Variants in RAPGEF4 observed in about 807,000 individuals in gnomAD.
RAPGEF4 encodes the protein RAP guanine-nucleotide-exchange factor (GEF) 4.
Under a neutral mutation model 147.9 loss-of-function variants are expected in RAPGEF4, and 66 were observed. The observed-to-expected ratio is 0.45, with a 90% confidence interval of 0.37 to 0.55. The LOEUF is 0.55. Among genes scored for constraint, RAPGEF4 ranks in the 20% least tolerant of loss-of-function variants. RAPGEF4 has a pLI of 0.00. For missense variants in RAPGEF4, 1,071 were observed against 1,257.3 expected, an observed-to-expected ratio of 0.85 and a Z score of 2.24; for synonymous variants, 419 against 442.7, an observed-to-expected ratio of 0.95 and a Z score of 0.67.
chr2:173,048,490 A>C, intron 29 of RAPGEF4, 110 bp from the exon 30 acceptor site: 1 of 1,514,980 alleles, frequency 6.6e-7, no homozygotes, highest in South Asian at 1.3e-5. Context: ...ATCTCAGAAC[A>C]TGTCACTTCT....
chr2:172,936,518 G>T (rs1224005986), intron 6 of RAPGEF4, among the ~76,000 whole-genome samples: 7 of 151,254 alleles, frequency 4.6e-5, no homozygotes, highest in African/African-American at 1.7e-4. Flanking sequence ...ATTTTTTTAA[G>T]GATTTTTAAA....
At position 172,982,776 on chromosome 2, in the gene RAPGEF4, A is replaced by T. The variant is rs535343544; in HGVS notation, c.1005-720A>T. 2.6e-4 allele frequency among the ~76,000 whole-genome samples: 40 copies of T among 152,332 alleles called. No individual in the cohort carries two copies. In the South Asian group the frequency reaches 7.9e-3, roughly 30 times the overall value. On this transcript the variant is annotated intron_variant, in intron 10 of 30. Coordinates refer to ENST00000397081, the MANE Select transcript of RAPGEF4 (RefSeq NM_007023.4). ...CATGTTATTGGATACTAGTTTTATAATAAATTTTAGAATAAAAATGCTTTA... is the reference window on the plus strand; with the variant it reads ...CATGTTATTGGATACTAGTTTTATATTAAATTTTAGAATAAAAATGCTTTA...
At chr2:173,038,643 G>A (rs559221437) in intron 29 of RAPGEF4, among the ~76,000 whole-genome samples, 20 of 152,132 alleles carry the variant, frequency 1.3e-4, no homozygotes, top group Non-Finnish European at 2.6e-4. Context: ...TGCATGCAGG[G>A]CTTAAAACCT....
At chr2:173,041,928 G>C (rs1193106348) in intron 29 of RAPGEF4, among the ~76,000 whole-genome samples, 1 of 152,158 alleles carries the variant, frequency 6.6e-6, no homozygotes, top group African/African-American at 2.4e-5. Flanking sequence ...ACCCTTGTGG[G>C]AAGGGAAGAA....
intron 4 of RAPGEF4, among the ~76,000 whole-genome samples, chr2:172,870,130 T>C (rs970484369): frequency 3.3e-5 from 5 of 152,336 alleles, no homozygotes; most frequent in Admixed American, 3.3e-4. Flanking sequence ...TGGATACTGC[T>C]GCTTTCACCT....
Position 172,988,781 on chromosome 2 carries a change from GAGA to G in RAPGEF4, c.1320_1322del (p.Glu440del), listed in dbSNP as rs1291025115. 6.2e-7 allele frequency: 1 copy of G among 1,613,290 alleles called. No individual in the cohort carries two copies. The highest frequency in any genetic ancestry group is 1.7e-5 in the Admixed American group (1 of 60,012). ...CCACGAGCTGCCTCTATCGTCTTAC[GAGA>G]AGATAACTGCCATTTCTTAAGAGTA... On this transcript the variant is annotated inframe_deletion, in exon 14 of 31. Coordinates refer to ENST00000397081, the MANE Select transcript of RAPGEF4 (RefSeq NM_007023.4).
intron 1 of RAPGEF4, among the ~76,000 whole-genome samples, chr2:172,743,707 G>A (rs1018409937): frequency 6.6e-6 from 1 of 152,170 alleles, no homozygotes; most frequent in Non-Finnish European, 1.5e-5. Context: ...AAGTCTACAG[G>A]AGGCTTCCAG....
At chr2:172,962,978 C>T (rs985354684) in intron 8 of RAPGEF4, among the ~76,000 whole-genome samples, 1 of 152,090 alleles carries the variant, frequency 6.6e-6, no homozygotes, top group African/African-American at 2.4e-5. Flanking sequence ...CACAGTTCCA[C>T]AGGCTTAACA....
At chr2:172,858,848 T>G (rs1693723197) in intron 4 of RAPGEF4, among the ~76,000 whole-genome samples, 1 of 152,220 alleles carries the variant, frequency 6.6e-6, no homozygotes, top group Non-Finnish European at 1.5e-5. Context: ...ACTGAAATTT[T>G]GAAAAACGCT....
chr2:172,854,137 A>G (rs1044657241), intron 4 of RAPGEF4, among the ~76,000 whole-genome samples: 1 of 152,016 alleles, frequency 6.6e-6, no homozygotes, highest in African/African-American at 2.4e-5. Context: ...TTCAGGTCTT[A>G]TATGTCCCCA....
chr2:172,958,072 A>T (rs2105439922), intron 6 of RAPGEF4, among the ~76,000 whole-genome samples: 1 of 152,318 alleles, frequency 6.6e-6, no homozygotes, highest in African/African-American at 2.4e-5. Flanking sequence ...AACACTTATC[A>T]CCAGTCCAGA....
intron 4 of RAPGEF4, among the ~76,000 whole-genome samples, chr2:172,861,402 A>G (rs868782469): frequency 5.9e-5 from 9 of 152,190 alleles, no homozygotes; most frequent in African/African-American, 1.9e-4. Context: ...CATTGATCCT[A>G]TAGTGTGGTT....
At chr2:172,811,926 A>G (rs974982840) in intron 3 of RAPGEF4, among the ~76,000 whole-genome samples, 2 of 152,246 alleles carry the variant, frequency 1.3e-5, no homozygotes, top group Non-Finnish European at 2.9e-5. Context: ...GCTAGCACCC[A>G]TAGACTGTAA....
In RAPGEF4 at chr2:172,968,324, G is replaced by A. The variant is rs188004243; in HGVS notation, c.1004+880G>A. On this transcript the variant is annotated intron_variant, in intron 10 of 30. Coordinates refer to ENST00000397081, the MANE Select transcript of RAPGEF4 (RefSeq NM_007023.4). ...TGAGTCATGTTTGGCCGACCTTGGT[G>A]TATTAGTCTTGTATTAGACAAGGGC... Among the ~76,000 whole-genome samples, 18 of 152,256 alleles carry A rather than the reference G, an allele frequency of 1.2e-4. No homozygotes were observed. In the East Asian group the frequency reaches 1.7e-3, roughly 15 times the overall value.
At chr2:172,974,925 T>C (rs1313351742) in intron 10 of RAPGEF4, among the ~76,000 whole-genome samples, 8 of 152,122 alleles carry the variant, frequency 5.3e-5, no homozygotes, top group Admixed American at 5.2e-4. Context: ...TTACTATGTA[T>C]TGTCAGGAGC....
chr2:172,966,706 C>G (rs1489148375), intron 9 of RAPGEF4, among the ~76,000 whole-genome samples: 2 of 152,174 alleles, frequency 1.3e-5, no homozygotes, highest in Non-Finnish European at 2.9e-5. Flanking sequence ...ACCACAAAAT[C>G]CTTCTAGCAG....
At chr2:172,916,994 G>A (rs1408667352) in intron 4 of RAPGEF4, among the ~76,000 whole-genome samples, 2 of 152,202 alleles carry the variant, frequency 1.3e-5, no homozygotes, top group African/African-American at 2.4e-5. Flanking sequence ...AAGGGGAGGA[G>A]ATTGTATTTA....
intron 17 of RAPGEF4, among the ~76,000 whole-genome samples, chr2:173,012,374 C>T (rs898985355): frequency 2.6e-5 from 4 of 152,148 alleles, no homozygotes; most frequent in African/African-American, 9.7e-5. Context: ...TGGCATTCCT[C>T]AGCCCACACC....
At chr2:172,875,162 A>T (rs1392734766) in intron 4 of RAPGEF4, among the ~76,000 whole-genome samples, 4 of 151,956 alleles carry the variant, frequency 2.6e-5, no homozygotes, top group Non-Finnish European at 4.4e-5. Flanking sequence ...TTGTCAGATG[A>T]GTAGATTGCA....
Sources: allele counts gnomAD v4.1 joint callset (sites outside exome capture counted in the v4.1 genomes callset), GRCh38; gene constraint gnomAD v4.1.1; transcripts MANE v1.5; gene names NCBI Gene and HGNC (gene_info 2026-07-23, HGNC 2026-07-21).